MED6: variants seen among roughly 807,000 people sequenced by gnomAD.
MED6 encodes the protein mediator of RNA polymerase II transcription subunit 6.
A neutral mutation model predicts 37.5 loss-of-function variants in MED6; 33 were observed. The ratio of observed to expected loss-of-function variants is 0.88; its 90% CI spans 0.67 to 1.18. The LOEUF is 1.18. Ranked by LOEUF, MED6 falls within the 50% of genes most tolerant of loss-of-function variation. MED6 has a pLI of 0.00. For missense variants in MED6, 235 were observed against 290.6 expected, an observed-to-expected ratio of 0.81 and a Z score of 1.39; for synonymous variants, 94 against 93.6, an observed-to-expected ratio of 1.00 and a Z score of -0.02.
At position 70,584,754 on chromosome 14, in the gene MED6, A is replaced by G; in HGVS notation, c.*59T>C. On this transcript the variant is annotated 3_prime_UTR_variant, in exon 8 of 8. Coordinates refer to ENST00000256379, the MANE Select transcript of MED6 (RefSeq NM_005466.4). ...AAGTACTTCAAAGCTCAAGAGCCACAGTACTGAGGTATGATAACTAGCATG... is the reference window on the plus strand; with the variant it reads ...AAGTACTTCAAAGCTCAAGAGCCACGGTACTGAGGTATGATAACTAGCATG... 5 of 1,558,816 alleles carry G rather than the reference A, an allele frequency of 3.2e-6. No individual in the cohort carries two copies. Among genetic ancestry groups the G allele is most frequent in the Non-Finnish European group, 3.5e-6 (4 of 1,156,386 alleles).
chr14:70,595,256 AC>A, intron 3 of MED6: 1 of 546,530 alleles, frequency 1.8e-6, no homozygotes, highest in Non-Finnish European at 3.6e-6. Flanking sequence ...GAAGGTAGAT[AC>A]CCCCAAATCT....
chr14:70,589,340 CAT>C (rs532793974), intron 6 of MED6, among the ~76,000 whole-genome samples: 20 of 152,148 alleles, frequency 1.3e-4, no homozygotes, highest in African/African-American at 4.3e-4. Context: ...CCAAACTTCA[CAT>C]GTGATTTCCT....
Position 70,584,261 on chromosome 14 carries a change from C to T in MED6, c.*552G>A, listed in dbSNP as rs1884635105. The T allele has an allele frequency of 1.5e-6, 1 of 674,140 alleles. No homozygotes were observed. The highest frequency in any genetic ancestry group is 2.5e-5 in the East Asian group (1 of 39,540). 41.8% of individuals were successfully genotyped at this position (674,140 alleles called of 1,614,324 possible). ...AATATATACAAATACCTTTATTTTGCTTTTAAACATATCTACCAGTAAACA... is the reference window on the plus strand; with the variant it reads ...AATATATACAAATACCTTTATTTTGTTTTTAAACATATCTACCAGTAAACA... On this transcript the variant is annotated 3_prime_UTR_variant, in exon 8 of 8. Transcript: ENST00000256379.
At chr14:70,586,832 T>C (rs1884722136) in intron 6 of MED6, among the ~76,000 whole-genome samples, 1 of 152,192 alleles carries the variant, frequency 6.6e-6, no homozygotes, top group African/African-American at 2.4e-5. Flanking sequence ...TATTATCCAC[T>C]GTGCAATAAA....
At chr14:70,591,224 A>G in intron 6 of MED6, 42 bp downstream of exon 6, 1 of 1,400,644 alleles carries the variant, frequency 7.1e-7, no homozygotes, top group Non-Finnish European at 1.0e-6. Context: ...ATATGCCATA[A>G]AGAAGTGTCA....
intron 3 of MED6, chr14:70,595,351 C>G: frequency 1.8e-6 from 1 of 561,184 alleles, no homozygotes; most frequent in Non-Finnish European, 3.4e-6. Flanking sequence ...AAGTACTGGT[C>G]TCAGCAGATT....
At chr14:70,589,015 T>C (rs1375410388) in intron 6 of MED6, among the ~76,000 whole-genome samples, 1 of 152,118 alleles carries the variant, frequency 6.6e-6, no homozygotes, top group East Asian at 1.9e-4. Flanking sequence ...AAAAAAAAGT[T>C]GTCTTTCACT....
chr14:70,591,133 T>G lies in MED6; in HGVS notation c.582+133A>C, dbSNP rs1884856812. 3 of 663,172 alleles carry G rather than the reference T, an allele frequency of 4.5e-6. No homozygotes were observed. The South Asian group carries it at 5.9e-5, about 13-fold the overall frequency. 41.1% of individuals were successfully genotyped at this position (663,172 alleles called of 1,614,324 possible). A position where few individuals can be genotyped will look rare whatever the true frequency, so the allele number is the denominator to read the frequency against. On this transcript the variant is annotated intron_variant, in intron 6 of 7. Transcript: ENST00000256379. ...AAGTCTTTCGAAACCTTTCCTTTGA[T>G]ACAGAGATCATTTTTTAACTAATGA... is the stretch of plus-strand genomic sequence containing the variant.
chr14:70,588,892 G>A (rs1884793072), intron 6 of MED6, among the ~76,000 whole-genome samples: 1 of 151,908 alleles, frequency 6.6e-6, no homozygotes, highest in African/African-American at 2.4e-5. Context: ...AAAGTAAAGA[G>A]TTTTTATTTT....
At chr14:70,597,806 G>A in intron 1 of MED6, 29 bp from the exon 2 acceptor site, 1 of 1,512,414 alleles carries the variant, frequency 6.6e-7, no homozygotes, top group African/African-American at 1.4e-5. Flanking sequence ...AATGATAAAG[G>A]ATTAGAAAAA....
At chr14:70,595,822 A>G in intron 3 of MED6, 1 of 694,150 alleles carries the variant, frequency 1.4e-6, no homozygotes, top group Non-Finnish European at 2.6e-6. Context: ...AAATTCTGAG[A>G]CATTAAGCCA....
Position 70,583,994 on chromosome 14 carries a change from T to G in MED6, c.*819A>C. Reference sequence around the variant, plus strand: ...TTTCTTTATTGAAAAAAGAAGTATCTACACACAGAATAAGATTAAAATTCA... The same window carrying G: ...TTTCTTTATTGAAAAAAGAAGTATCGACACACAGAATAAGATTAAAATTCA... On this transcript the variant is annotated 3_prime_UTR_variant, in exon 8 of 8. Coordinates refer to ENST00000256379, the MANE Select transcript of MED6 (RefSeq NM_005466.4). 1 of 459,808 alleles carries G rather than the reference T, an allele frequency of 2.2e-6. No individual in the cohort carries two copies. Among genetic ancestry groups the G allele is most frequent in the Admixed American group, 3.7e-5 (1 of 26,698 alleles). 28.5% of individuals were successfully genotyped at this position (459,808 alleles called of 1,614,324 possible).
rs1332134173 is a variant in MED6 at position 70,588,500 on chromosome 14, G to A, written c.583-2717C>T. Among the ~76,000 whole-genome samples the A allele has an allele frequency of 6.6e-5, 10 of 151,826 alleles. No individual in the cohort carries two copies. In the South Asian group the frequency reaches 1.0e-3, roughly 16 times the overall value. ...GGAGATTGAAACTATCCTGGCTAAC[G>A]CGGTGAAACCCCATCTCTACTAAAA... On this transcript the variant is annotated intron_variant, in intron 6 of 7. Coordinates refer to ENST00000256379, the MANE Select transcript of MED6 (RefSeq NM_005466.4).
chr14:70,583,225 C>G lies in MED6; in HGVS notation c.*1588G>C, dbSNP rs1884600532. 1 of 152,152 alleles carries G rather than the reference C, an allele frequency of 6.6e-6. No individual in the cohort carries two copies. The highest frequency in any genetic ancestry group is 2.1e-4 in the South Asian group (1 of 4,826). The allele number at this position is 152,152 out of a possible 1,614,324, so 9.4% of individuals were successfully genotyped here. A position where few individuals can be genotyped will look rare whatever the true frequency, so the allele number is the denominator to read the frequency against. Reference sequence around the variant, plus strand: ...ATATATAGGAATTCTTTGTACTATTCTTACAACTTTTCTGTTTGCCGGAAA... The same window carrying G: ...ATATATAGGAATTCTTTGTACTATTGTTACAACTTTTCTGTTTGCCGGAAA... On this transcript the variant is annotated 3_prime_UTR_variant, in exon 8 of 8. Coordinates refer to ENST00000256379, the MANE Select transcript of MED6 (RefSeq NM_005466.4).
intron 6 of MED6, among the ~76,000 whole-genome samples, chr14:70,588,242 A>ACT (rs1252152448): frequency 5.9e-5 from 9 of 152,258 alleles, no homozygotes; most frequent in South Asian, 4.1e-4. Context: ...AGCTGGATAT[A>ACT]CTCTATCTTT....
At chr14:70,588,991 A>G (rs754512327) in intron 6 of MED6, among the ~76,000 whole-genome samples, 20 of 152,098 alleles carry the variant, frequency 1.3e-4, no homozygotes, top group Non-Finnish European at 2.8e-4. Context: ...CAGCATCCCT[A>G]GCCAGGGGCG....
intron 4 of MED6, 29 bp downstream of exon 4, chr14:70,593,267 T>C: frequency 1.3e-6 from 2 of 1,583,634 alleles, no homozygotes; most frequent in Non-Finnish European, 8.7e-7. Context: ...AAGTTTTCTT[T>C]AGTGCTTAAA....
chr14:70,591,262 T>C lies in MED6; in HGVS notation c.582+4A>G. 6.2e-7 allele frequency: 1 copy of C among 1,603,258 alleles called. No homozygotes were observed. Among genetic ancestry groups the C allele is most frequent in the Non-Finnish European group, 8.5e-7 (1 of 1,171,438 alleles). ...TCAAGATTAACCACACATATTCTCA[T>C]TACCTGCACAAATTTGGGTGGAAAT... On this transcript the variant is annotated splice_donor_region_variant and intron_variant, in intron 6 of 7. Transcript: ENST00000256379.
At chr14:70,597,837 A>C in intron 1 of MED6, 60 bp from the exon 2 acceptor site, 1 of 1,402,962 alleles carries the variant, frequency 7.1e-7, no homozygotes, top group Non-Finnish European at 9.5e-7. Context: ...CCAATCCAAC[A>C]AACATTTATT....
Sources: gnomAD v4.1 joint callset for allele counts (sites outside exome capture counted in the v4.1 genomes callset) on GRCh38, gnomAD v4.1.1 for gene constraint, MANE v1.5 for transcripts, NCBI Gene and HGNC (gene_info 2026-07-23, HGNC 2026-07-21) for gene names.